The following SUGCT variants were observed in gnomAD, a reference collection of about 807,000 sequenced individuals.
SUGCT encodes succinyl-CoA:glutarate CoA-transferase.
In SUGCT, 41 loss-of-function variants were observed where a neutral mutation model predicts 55.0. The observed-to-expected ratio is 0.74, with a 90% CI of 0.58 to 0.97. The LOEUF (loss-of-function observed/expected upper bound fraction) is 0.97, where lower values mean the gene tolerates loss of function less well. Among genes scored for constraint, SUGCT ranks in the 50% least tolerant of loss-of-function variants. The probability of loss-of-function intolerance (pLI) is 0.00; values close to 1 mark genes in which losing one functional copy is unlikely to be tolerated. For synonymous variants in SUGCT, 187 were observed against 200.4 expected (o/e 0.93, Z 0.56); for missense variants, 568 against 547.8 (o/e 1.04, Z -0.37).
At chr7:40,934,790 G>A in the SUGCT span, among the ~76,000 whole-genome samples, 8 of 152,214 alleles carry the variant, frequency 5.3e-5, no homozygotes, top group African/African-American at 9.6e-5. Flanking sequence ...TGCTAAGGTC[G>A]TGGGAAAAAT....
At chr7:40,623,851 A>T (rs1799391273) in intron 12 of SUGCT, among the ~76,000 whole-genome samples, 1 of 152,152 alleles carries the variant, frequency 6.6e-6, no homozygotes, top group African/African-American at 2.4e-5. Context: ...AGGCTGAAGA[A>T]ATAGAGTTGT....
chr7:40,738,187 A>G (rs1280948783), intron 12 of SUGCT, among the ~76,000 whole-genome samples: 1 of 135,140 alleles, frequency 7.4e-6, no homozygotes, highest in Admixed American at 7.7e-5. Context: ...AGAGAGCGAG[A>G]CTCCATCTTA....
intron 3 of SUGCT, among the ~76,000 whole-genome samples, chr7:40,184,197 T>C (rs144944856): frequency 0.014 from 2,070 of 152,282 alleles, 108 homozygotes; most frequent in Admixed American, 0.095. Context: ...TGTCATTGTT[T>C]TGTGCCCTTT....
At chr7:40,329,430 G>A (rs942936646) in intron 9 of SUGCT, among the ~76,000 whole-genome samples, 2 of 152,144 alleles carry the variant, frequency 1.3e-5, no homozygotes, top group African/African-American at 4.8e-5. Context: ...GAAATGGTAC[G>A]TGTGCATGCT....
the SUGCT span, among the ~76,000 whole-genome samples, chr7:40,887,667 A>G: frequency 2.0e-5 from 3 of 152,290 alleles, no homozygotes; most frequent in South Asian, 6.2e-4. Flanking sequence ...AGGTAGGCAT[A>G]TGTTTATCCA....
chr7:40,399,979 G>T lies in SUGCT; in HGVS notation c.817-49308G>T, dbSNP rs562662197. On this transcript the variant is annotated intron_variant, in intron 9 of 13. Coordinates refer to ENST00000335693, the MANE Select transcript of SUGCT (RefSeq NM_001193313.2). ...CATGAGAATTGCTTGAACCCAGGAG[G>T]CAGAGGTTGCAGTGAGCCAAAATTG... 2.0e-4 allele frequency among the ~76,000 whole-genome samples: 30 copies of T among 152,184 alleles called. No individual in the cohort carries two copies. In the Middle Eastern group the frequency reaches 0.017, roughly 86 times the overall value.
At chr7:40,502,395 G>T (rs1304025874) in intron 12 of SUGCT, among the ~76,000 whole-genome samples, 1 of 151,920 alleles carries the variant, frequency 6.6e-6, no homozygotes, top group Non-Finnish European at 1.5e-5. Flanking sequence ...GCTAATTTTT[G>T]AAAGCAGTTT....
At chr7:40,874,482 T>G in the SUGCT span, among the ~76,000 whole-genome samples, 1 of 152,230 alleles carries the variant, frequency 6.6e-6, no homozygotes, top group Non-Finnish European at 1.5e-5. Context: ...ATATCATGAT[T>G]CTTCTTGCCG....
chr7:40,988,514 A>G, the SUGCT span, among the ~76,000 whole-genome samples: 5 of 152,042 alleles, frequency 3.3e-5, no homozygotes, highest in Non-Finnish European at 7.4e-5. Context: ...AGGTGTTCAA[A>G]AAAACTGACT....
intron 11 of SUGCT, among the ~76,000 whole-genome samples, chr7:40,495,165 G>A (rs1791900758): frequency 6.6e-6 from 1 of 151,286 alleles, no homozygotes. Flanking sequence ...ACCCACCTTG[G>A]CCTCCCAAAG....
intron 12 of SUGCT, among the ~76,000 whole-genome samples, chr7:40,676,122 C>A (rs1361209222): frequency 6.6e-6 from 1 of 152,072 alleles, no homozygotes; most frequent in Non-Finnish European, 1.5e-5. Context: ...ATGATATGAC[C>A]AAAAGCTCTG....
At chr7:40,386,673 A>G (rs1046111328) in intron 9 of SUGCT, among the ~76,000 whole-genome samples, 1 of 152,304 alleles carries the variant, frequency 6.6e-6, no homozygotes, top group East Asian at 1.9e-4. Context: ...CCCACAATAC[A>G]CATACTTTTA....
At chr7:40,863,100 G>A (rs142938268), downstream of SUGCT, among the ~76,000 whole-genome samples, 3,482 of 152,170 alleles carry the variant, frequency 0.023, 47 homozygotes, top group Middle Eastern at 0.058. Flanking sequence ...TTAGCCAGGC[G>A]TGGTGGGTGC....
At chr7:40,204,716 A>C (rs974425031) in intron 6 of SUGCT, among the ~76,000 whole-genome samples, 7 of 151,262 alleles carry the variant, frequency 4.6e-5, no homozygotes, top group African/African-American at 1.7e-4. Context: ...CGTGAGGGTC[A>C]GTAGTTTGAG....
intron 12 of SUGCT, among the ~76,000 whole-genome samples, chr7:40,586,899 G>C (rs1326786309): frequency 6.6e-6 from 1 of 152,134 alleles, no homozygotes; most frequent in Non-Finnish European, 1.5e-5. Flanking sequence ...CTTTTAACTG[G>C]TAAATGAGTA....
chr7:40,416,952 C>A (rs1362774579), intron 9 of SUGCT, among the ~76,000 whole-genome samples: 3 of 151,870 alleles, frequency 2.0e-5, no homozygotes, highest in Non-Finnish European at 2.9e-5. Flanking sequence ...TTTGTATATT[C>A]ATTTGGTCTA....
At chr7:40,628,375 A>G (rs2151803764) in intron 12 of SUGCT, among the ~76,000 whole-genome samples, 1 of 150,700 alleles carries the variant, frequency 6.6e-6, no homozygotes, top group East Asian at 2.0e-4. Flanking sequence ...TCCCTCAATA[A>G]CCATACTCAC....
intron 13 of SUGCT, among the ~76,000 whole-genome samples, chr7:40,799,607 C>G (rs1790715067): frequency 6.6e-6 from 1 of 151,952 alleles, no homozygotes; most frequent in Non-Finnish European, 1.5e-5. Flanking sequence ...GACCATGTCT[C>G]AGAAGTGCTA....
chr7:40,324,814 G>T (rs1282865778), intron 9 of SUGCT, among the ~76,000 whole-genome samples: 1 of 152,148 alleles, frequency 6.6e-6, no homozygotes, highest in East Asian at 1.9e-4. Flanking sequence ...TCATTAGTGA[G>T]AATTCTTTTT....
Sources: gnomAD v4.1 joint callset for allele counts (sites outside exome capture counted in the v4.1 genomes callset) on GRCh38, gnomAD v4.1.1 for gene constraint, MANE v1.5 for transcripts, NCBI Gene and HGNC (gene_info 2026-07-23, HGNC 2026-07-21) for gene names.